Variants in ME2 observed in about 807,000 individuals in gnomAD.
ME2 encodes NAD-dependent malic enzyme, mitochondrial.
ME2 carries 60 observed loss-of-function variants against 73.7 expected under a neutral mutation model. The observed-to-expected ratio is 0.81, with a 90% CI of 0.66 to 1.01. The LOEUF is 1.01. Among genes scored for constraint, ME2 ranks in the 50% least tolerant of loss-of-function variants. The pLI, the probability that ME2 is intolerant of heterozygous loss-of-function variation, is 0.00. For missense variants in ME2, 594 were observed against 705.5 expected (o/e 0.84, Z 1.79); for synonymous variants, 199 against 236.9 (o/e 0.84, Z 1.47).
At chr18:50,885,066 G>A (rs1030155679) in intron 1 of ME2, among the ~76,000 whole-genome samples, 1 of 151,890 alleles carries the variant, frequency 6.6e-6, no homozygotes, top group African/African-American at 2.4e-5. Context: ...ATGTTGGCCA[G>A]TCTGATCCCG....
At chr18:50,885,542 T>G (rs747655722) in intron 1 of ME2, among the ~76,000 whole-genome samples, 2 of 152,078 alleles carry the variant, frequency 1.3e-5, no homozygotes, top group Non-Finnish European at 2.9e-5. Flanking sequence ...TATAAAACTT[T>G]TTTTAAATGA....
intron 15 of ME2, among the ~76,000 whole-genome samples, chr18:50,941,786 CTGATT>C (rs1413405872): frequency 4.6e-5 from 7 of 151,052 alleles, no homozygotes; most frequent in Admixed American, 1.3e-4. Flanking sequence ...AGAAAAAGTA[CTGATT>C]TACATTGCAG....
Position 50,947,107 on chromosome 18 carries a change from A to G in ME2, c.1678A>G (p.Ser560Gly). 6.2e-7 allele frequency: 1 copy of G among 1,614,102 alleles called. No individual in the cohort carries two copies. Among genetic ancestry groups the G allele is most frequent in the South Asian group, 1.1e-5 (1 of 91,082 alleles). Reference protein sequence around the residue: ...AKYVKERTWRSEYDSLLPDVY... With the variant: ...AKYVKERTWRGEYDSLLPDVY... ...ATATGTTAAAGAAAGAACATGGCGG[A>G]GTGAATATGATTCCCTGCTGCCAGA... Residue 560 changes from serine (S) to glycine (G), a missense_variant, in exon 16 of 16, where the codon AGT becomes GGT. Ser to Gly is a moderately conservative substitution (Grantham distance 56, BLOSUM62 0). Coordinates refer to ENST00000321341, the MANE Select transcript of ME2 (RefSeq NM_002396.5).
At chr18:50,940,053 A>G (rs1917910423) in intron 14 of ME2, 1 of 485,566 alleles carries the variant, frequency 2.1e-6, no homozygotes, top group South Asian at 3.3e-5. Context: ...AATTAAGCCA[A>G]GCTCTACATG....
intron 2 of ME2, among the ~76,000 whole-genome samples, chr18:50,898,989 A>T (rs1466111543): frequency 3.9e-5 from 6 of 152,224 alleles, no homozygotes; most frequent in Non-Finnish European, 2.9e-5. Context: ...TAATTTTCTG[A>T]AATTCAGCTC....
intron 5 of ME2, 64 bp from the exon 6 acceptor site, chr18:50,917,281 TAA>T: frequency 7.6e-7 from 1 of 1,315,040 alleles, no homozygotes; most frequent in Non-Finnish European, 1.1e-6. Flanking sequence ...ATCAATCTTT[TAA>T]AAAATGCTTT....
chr18:50,948,063 G>C lies in ME2; in HGVS notation c.*879G>C, dbSNP rs1440651429. On this transcript the variant is annotated 3_prime_UTR_variant, in exon 16 of 16. Coordinates refer to ENST00000321341, the MANE Select transcript of ME2 (RefSeq NM_002396.5). ...TTAGTCATGCTTCACATCAAAATGA[G>C]TCATATTTAACTGGAGAAACTATGC... 6.6e-6 allele frequency: 1 copy of C among 152,170 alleles called. No homozygotes were observed. The highest frequency in any genetic ancestry group is 1.5e-5 in the Non-Finnish European group (1 of 68,034). 9.4% of individuals were successfully genotyped at this position (152,170 alleles called of 1,614,324 possible).
At chr18:50,944,522 C>A (rs943344121) in intron 15 of ME2, among the ~76,000 whole-genome samples, 1 of 152,190 alleles carries the variant, frequency 6.6e-6, no homozygotes, top group African/African-American at 2.4e-5. Flanking sequence ...CTGACAGCCA[C>A]CAGTCACCTT....
chr18:50,907,969 T>G (rs1052946868), intron 2 of ME2, 94 bp from the exon 3 acceptor site: 1 of 964,488 alleles, frequency 1.0e-6, no homozygotes, highest in African/African-American at 1.7e-5. Flanking sequence ...TGTCATTGAT[T>G]TTTCAAATTT....
At position 50,950,250 on chromosome 18, in the gene ME2, T is replaced by C. The variant is rs1918192162; in HGVS notation, c.*3066T>C. ...TTTGATTCATAACCAAGAAGTTGCC[T>C]CAGATCACTGTGAAGCTTTAAAATG... On this transcript the variant is annotated 3_prime_UTR_variant, in exon 16 of 16. Transcript: ENST00000321341. 6.6e-6 allele frequency: 1 copy of C among 152,210 alleles called. No individual in the cohort carries two copies. Among genetic ancestry groups the C allele is most frequent in the Admixed American group, 6.5e-5 (1 of 15,280 alleles). 9.4% of individuals were successfully genotyped at this position (152,210 alleles called of 1,614,324 possible).
At chr18:50,884,449 G>C (rs1916406518) in intron 1 of ME2, among the ~76,000 whole-genome samples, 1 of 152,158 alleles carries the variant, frequency 6.6e-6, no homozygotes, top group Admixed American at 6.5e-5. Flanking sequence ...CTGAGTTCAA[G>C]CAATTCTCCT....
intron 1 of ME2, among the ~76,000 whole-genome samples, chr18:50,892,096 C>T (rs958241989): frequency 1.3e-5 from 2 of 151,980 alleles, no homozygotes; most frequent in African/African-American, 2.4e-5. Context: ...GCTGGGATTA[C>T]AGGGGTGAGC....
At chr18:50,879,548 C>T (rs1916261916) in intron 1 of ME2, among the ~76,000 whole-genome samples, 1 of 152,194 alleles carries the variant, frequency 6.6e-6, no homozygotes, top group Non-Finnish European at 1.5e-5. Flanking sequence ...GCGGCTCTAC[C>T]CGGCGCGCGA....
intron 9 of ME2, 130 bp from the exon 10 acceptor site, chr18:50,920,944 G>T (rs904173911): frequency 1.4e-6 from 1 of 698,590 alleles, no homozygotes; most frequent in East Asian, 3.0e-5. Context: ...ATATCACGAA[G>T]AATTTTTGTT....
chr18:50,914,075 A>T (rs1340504468), intron 4 of ME2, among the ~76,000 whole-genome samples: 1 of 152,068 alleles, frequency 6.6e-6, no homozygotes, highest in African/African-American at 2.4e-5. Flanking sequence ...TGTGGGACTT[A>T]CTCAAAATGT....
intron 15 of ME2, among the ~76,000 whole-genome samples, chr18:50,943,781 G>C (rs2144273600): frequency 6.6e-6 from 1 of 152,264 alleles, no homozygotes; most frequent in Middle Eastern, 3.4e-3. Flanking sequence ...ATATACAAAT[G>C]CCAGGCTAAG....
chr18:50,929,382 A>C (rs892672325), intron 12 of ME2, among the ~76,000 whole-genome samples: 1 of 151,124 alleles, frequency 6.6e-6, no homozygotes, highest in African/African-American at 2.4e-5. Context: ...CCAGCTACTC[A>C]GGAGGCTGAG....
intron 15 of ME2, among the ~76,000 whole-genome samples, chr18:50,945,788 C>T (rs1003874616): frequency 8.6e-5 from 13 of 152,016 alleles, no homozygotes; most frequent in African/African-American, 3.1e-4. Context: ...TAAAACCTGC[C>T]GGGCATGGTG....
rs550765453 is a variant in ME2, at chr18:50,890,547, C to T, written c.-12-5262C>T. 1.3e-3 allele frequency among the ~76,000 whole-genome samples: 196 copies of T among 152,194 alleles called. 1 individual carries two copies. The highest frequency in any genetic ancestry group is 4.6e-3 in the African/African-American group (191 of 41,552). On this transcript the variant is annotated intron_variant, in intron 1 of 15. Coordinates refer to ENST00000321341, the MANE Select transcript of ME2 (RefSeq NM_002396.5). ...TTACAAAATTATTTCAGGTTTTTTT[C>T]TTCCCCAACTTGTTTTATCCATTTA...
Sources: allele counts gnomAD v4.1 joint callset (sites outside exome capture counted in the v4.1 genomes callset), GRCh38; gene constraint gnomAD v4.1.1; transcripts MANE v1.5; gene names NCBI Gene and HGNC (gene_info 2026-07-23, HGNC 2026-07-21).